Variants in EIF3D observed in about 807,000 individuals in gnomAD.
EIF3D encodes eIF3 p66.
In EIF3D, 10 loss-of-function variants were observed where a neutral mutation model predicts 75.4. The ratio of observed to expected loss-of-function variants is 0.13; its 90% confidence interval spans 0.08 to 0.22. The LOEUF is 0.22. Ranked by LOEUF, EIF3D falls within the 10% of genes least tolerant of loss-of-function variation. The probability of loss-of-function intolerance (pLI) is 1.00; values close to 1 mark genes in which losing one functional copy is unlikely to be tolerated. For synonymous variants in EIF3D, 246 were observed against 248.3 expected (o/e 0.99, Z 0.09); for missense variants, 394 against 708.0 (o/e 0.56, Z 5.03).
At chr22:36,525,238 ACTTTTT>A (rs1433328656) in intron 3 of EIF3D, among the ~76,000 whole-genome samples, 106 of 117,602 alleles carry the variant, frequency 9.0e-4, no homozygotes, top group African/African-American at 3.2e-3. Context: ...CAGGGGTTTT[ACTTTTT>A]TTTTTTTTTT....
intron 1 of EIF3D, chr22:36,528,672 T>TA (rs1934647951): frequency 6.6e-6 from 1 of 150,694 alleles, no homozygotes; most frequent in Non-Finnish European, 1.5e-5. Flanking sequence ...AAAGGAAAGA[T>TA]AACCTATGCA....
intron 1 of EIF3D, among the ~76,000 whole-genome samples, chr22:36,527,184 T>G (rs6000295): frequency 4.6e-5 from 7 of 152,256 alleles, no homozygotes; most frequent in South Asian, 4.1e-4. Flanking sequence ...TAAATGTTCA[T>G]GAATACTGCC....
chr22:36,528,285 A>G (rs1352891296), intron 1 of EIF3D, among the ~76,000 whole-genome samples: 1 of 152,170 alleles, frequency 6.6e-6, no homozygotes, highest in Non-Finnish European at 1.5e-5. Context: ...ACATCATAAT[A>G]CCAAGACAAC....
chr22:36,512,614 C>T lies in EIF3D; in HGVS notation c.1207-12G>A, dbSNP rs1336408667. 1 of 1,605,872 alleles carries T rather than the reference C, an allele frequency of 6.2e-7. No homozygotes were observed. Among genetic ancestry groups the T allele is most frequent in the Non-Finnish European group, 8.5e-7 (1 of 1,173,786 alleles). On this transcript the variant is annotated splice_polypyrimidine_tract_variant and intron_variant, in intron 12 of 14. Coordinates refer to ENST00000216190, the MANE Select transcript of EIF3D (RefSeq NM_003753.4). Reference sequence around the variant, plus strand: ...ACGCCATTACAGTGCTGCAGGAGAGCCCCGTTAGAGAAACAGAAGCAAGCT... The same window carrying T: ...ACGCCATTACAGTGCTGCAGGAGAGTCCCGTTAGAGAAACAGAAGCAAGCT...
At chr22:36,525,914 A>AT (rs1016569283) in intron 2 of EIF3D, 85 bp downstream of exon 2, 1 of 1,531,956 alleles carries the variant, frequency 6.5e-7, no homozygotes, top group African/African-American at 1.4e-5. Context: ...AGGAGTTAAG[A>AT]TTTTGAGACA....
intron 1 of EIF3D, among the ~76,000 whole-genome samples, chr22:36,527,208 A>T (rs573938156): frequency 2.0e-5 from 3 of 152,338 alleles, no homozygotes; most frequent in East Asian, 1.9e-4. Context: ...CACTGTTCTT[A>T]CTGTTTACCA....
At chr22:36,511,875 T>G in intron 13 of EIF3D, 89 bp from the exon 14 acceptor site, 1 of 1,503,320 alleles carries the variant, frequency 6.7e-7, no homozygotes, top group East Asian at 2.4e-5. Flanking sequence ...TGGTGATACC[T>G]GGTCCACTGC....
Position 36,523,274 on chromosome 22 carries a change from T to C in EIF3D, c.400A>G (p.Ile134Val). ...TTCTGGAACTTTTTCTGCAGTCGAATGCGTTCTCTGGAAAGACAGACATAT... is the reference window on the plus strand; with the variant it reads ...TTCTGGAACTTTTTCTGCAGTCGAACGCGTTCTCTGGAAAGACAGACATAT... ...KSAKQKERER[I>V]RLQKKFQKQF... Residue 134 changes from isoleucine (I) to valine (V), a missense_variant, in exon 6 of 15, where the codon ATT (isoleucine) becomes GTT (valine). Coordinates refer to ENST00000216190, the MANE Select transcript of EIF3D (RefSeq NM_003753.4). The C allele has an allele frequency of 6.2e-7, 1 of 1,613,378 alleles. No homozygotes were observed. Among genetic ancestry groups the C allele is most frequent in the Non-Finnish European group, 8.5e-7 (1 of 1,179,506 alleles).
intron 12 of EIF3D, among the ~76,000 whole-genome samples, chr22:36,515,420 C>T (rs772930607): frequency 4.2e-4 from 64 of 152,144 alleles, no homozygotes; most frequent in Middle Eastern, 6.8e-3. Context: ...CCTAGCTACT[C>T]GGGAGGCTGA....
At chr22:36,518,686 C>T (rs1378644117) in intron 9 of EIF3D, 77 bp downstream of exon 9, 1 of 1,560,746 alleles carries the variant, frequency 6.4e-7, no homozygotes, top group Non-Finnish European at 8.7e-7. Flanking sequence ...TCTATCCATT[C>T]TCTAGTACCA....
intron 12 of EIF3D, 57 bp downstream of exon 12, chr22:36,516,421 C>T: frequency 6.3e-7 from 1 of 1,584,078 alleles, no homozygotes; most frequent in Non-Finnish European, 8.6e-7. Context: ...CGTAAACAGG[C>T]ACTGTAGGGA....
chr22:36,525,389 G>A (rs936196764), intron 3 of EIF3D, among the ~76,000 whole-genome samples: 9 of 151,866 alleles, frequency 5.9e-5, no homozygotes, highest in East Asian at 1.9e-4. Flanking sequence ...GATTACAGGT[G>A]CACGCCACCA....
In EIF3D at chr22:36,519,484, G is replaced by A. The variant is rs775421414; in HGVS notation, c.632C>T (p.Thr211Met). ...YYDKAFDRITTRSEKPLRSIK... is the reference protein window; with the variant it reads ...YYDKAFDRITMRSEKPLRSIK... ...GCTCCGCAGTGGCTTCTCACTCCTC[G>A]TGGTGATGCGGTCAAAGGCTTTGTC... is the stretch of plus-strand genomic sequence containing the variant. The change falls in exon 8 of 15, where the codon ACG (threonine) becomes ATG (methionine). Residue 211 changes from threonine (T) to methionine (M), a missense_variant. Thr to Met is a moderately conservative substitution (Grantham distance 81). Coordinates refer to ENST00000216190, the MANE Select transcript of EIF3D (RefSeq NM_003753.4). 8.0e-5 allele frequency: 129 copies of A among 1,614,026 alleles called. No homozygotes were observed. The highest frequency in any genetic ancestry group is 1.1e-4 in the Non-Finnish European group (125 of 1,180,046).
chr22:36,524,001 T>C (rs765720474), intron 4 of EIF3D, 21 bp from the exon 5 acceptor site: 1 of 1,613,662 alleles, frequency 6.2e-7, no homozygotes. Flanking sequence ...GCAAGAAACA[T>C]CCATGTTAAA....
At chr22:36,522,517 T>C (rs1934530269) in intron 6 of EIF3D, among the ~76,000 whole-genome samples, 1 of 152,198 alleles carries the variant, frequency 6.6e-6, no homozygotes, top group African/African-American at 2.4e-5. Context: ...TGCTACCACA[T>C]GGATGACTCT....
Position 36,526,009 on chromosome 22 carries a change from C to T in EIF3D, c.113G>A (p.Arg38Gln), listed in dbSNP as rs1384166708. The change falls in exon 2 of 15, where the codon CGG becomes CAG. Residue 38 changes from arginine (R) to glutamine (Q), a missense_variant. By Grantham distance (43) the Arg-to-Gln change is conservative. Transcript: ENST00000216190. ...MPYQPFSKGDRLGKVADWTGA... is the reference protein window; with the variant it reads ...MPYQPFSKGDQLGKVADWTGA... ...CTGACAGGCATGTACCTTTCCTAGCCGATCTCCTTTGCTGAACGGCTGGTA... is the reference window on the plus strand; with the variant it reads ...CTGACAGGCATGTACCTTTCCTAGCTGATCTCCTTTGCTGAACGGCTGGTA... 5.6e-6 allele frequency: 9 copies of T among 1,611,120 alleles called. No individual in the cohort carries two copies. The highest frequency in any genetic ancestry group is 1.7e-5 in the Admixed American group (1 of 59,532).
Position 36,525,992 on chromosome 22 carries a change from C to G in EIF3D, c.123+7G>C. On this transcript the variant is annotated splice_region_variant and intron_variant, in intron 2 of 14. Transcript: ENST00000216190. ...AAAGATTCAGACTCCTGCTGACAGG[C>G]ATGTACCTTTCCTAGCCGATCTCCT... 6.2e-7 allele frequency: 1 copy of G among 1,607,790 alleles called. No individual in the cohort carries two copies. Among genetic ancestry groups the G allele is most frequent in the Non-Finnish European group, 8.5e-7 (1 of 1,176,688 alleles).
intron 5 of EIF3D, 70 bp from the exon 6 acceptor site, chr22:36,523,351 C>T (rs1251522560): frequency 1.1e-4 from 135 of 1,202,568 alleles, no homozygotes; most frequent in Non-Finnish European, 2.4e-6. Context: ...GCACACGCTG[C>T]CATTCTCTTC....
chr22:36,517,071 G>T (rs1380347726), intron 10 of EIF3D: 13 of 621,508 alleles, frequency 2.1e-5, no homozygotes, highest in Admixed American at 3.0e-5. Context: ...ATTATTTATT[G>T]TTCACTGTGT....
Sources: gnomAD v4.1 joint callset for allele counts (sites outside exome capture counted in the v4.1 genomes callset) on GRCh38, gnomAD v4.1.1 for gene constraint, MANE v1.5 for transcripts, NCBI Gene and HGNC (gene_info 2026-07-23, HGNC 2026-07-21) for gene names.